Variants in FBXO9 observed in about 807,000 individuals in gnomAD.
FBXO9 encodes the protein F-box protein 9, also known as F-box only protein 9.
Under a neutral mutation model 63.7 loss-of-function variants are expected in FBXO9, and 43 were observed. That is an observed-to-expected ratio of 0.67 (90% CI 0.53 to 0.87). The LOEUF is 0.87. Ranked by LOEUF, FBXO9 falls within the 40% of genes least tolerant of loss-of-function variation. The pLI is 0.00. For synonymous variants in FBXO9, 156 were observed against 171.7 expected (o/e 0.91, Z 0.72); for missense variants, 442 against 533.2 (o/e 0.83, Z 1.68).
In FBXO9 at chr6:53,065,488, C is replaced by G. The variant is rs1353572115; in HGVS notation, c.-302C>G. ...GGGGTCTCCAGTAGGGCTGACGCTC[C>G]GGTGCTCGCACAATCCCCCGCCTCG... On this transcript the variant is annotated 5_prime_UTR_variant, in exon 1 of 13. Transcript: ENST00000323557. 1.1e-5 allele frequency: 4 copies of G among 352,684 alleles called. No homozygotes were observed. Among genetic ancestry groups the G allele is most frequent in the East Asian group, 4.3e-5 (1 of 23,526 alleles). 21.8% of individuals were successfully genotyped at this position (352,684 alleles called of 1,614,324 possible).
At chr6:53,067,545 G>A (rs1326044033) in intron 1 of FBXO9, among the ~76,000 whole-genome samples, 1 of 152,180 alleles carries the variant, frequency 6.6e-6, no homozygotes, top group Non-Finnish European at 1.5e-5. Flanking sequence ...AGCAGCGTAT[G>A]CAAGCCAACT....
intron 10 of FBXO9, 146 bp from the exon 11 acceptor site, chr6:53,093,739 G>T: frequency 1.2e-6 from 1 of 829,184 alleles, no homozygotes; most frequent in Admixed American, 3.0e-5. Flanking sequence ...ACTTCAGCAG[G>T]TCTTTGGAGC....
intron 1 of FBXO9, among the ~76,000 whole-genome samples, chr6:53,066,766 C>T (rs1321833359): frequency 6.6e-6 from 1 of 152,170 alleles, no homozygotes. Context: ...ATGGACTACT[C>T]ATACACATGA....
intron 11 of FBXO9, among the ~76,000 whole-genome samples, chr6:53,094,412 C>T (rs1763145896): frequency 6.6e-6 from 1 of 151,980 alleles, no homozygotes; most frequent in Admixed American, 6.6e-5. Context: ...TCTTCCTGTT[C>T]TTAAAAAAGG....
chr6:53,083,526 A>G (rs1769379944), intron 7 of FBXO9, among the ~76,000 whole-genome samples: 1 of 152,262 alleles, frequency 6.6e-6, no homozygotes. Flanking sequence ...TGAGGATTAC[A>G]TAATTGTTTT....
chr6:53,065,776 G>A lies in FBXO9; in HGVS notation c.-14G>A. On this transcript the variant is annotated 5_prime_UTR_variant, in exon 1 of 13. Transcript: ENST00000323557. ...ACGGAGAGCCCCTCGAGCGCAGCAG[G>A]CCGCCCCGCCAGCATGGTAACCTGG... 1 of 1,389,532 alleles carries A rather than the reference G, an allele frequency of 7.2e-7. No homozygotes were observed. The highest frequency in any genetic ancestry group is 3.0e-5 in the East Asian group (1 of 32,864). 86.1% of individuals were successfully genotyped at this position (1,389,532 alleles called of 1,614,324 possible).
At chr6:53,067,821 T>C (rs1289127499) in intron 1 of FBXO9, 1 of 152,204 alleles carries the variant, frequency 6.6e-6, no homozygotes, top group Non-Finnish European at 1.5e-5. Context: ...TAAAAAATAA[T>C]GTATTTGACA....
chr6:53,099,933 A>G lies in FBXO9; in HGVS notation c.*2103A>G, dbSNP rs1285501601. 1.3e-5 allele frequency: 2 copies of G among 152,208 alleles called. No homozygotes were observed. The highest frequency in any genetic ancestry group is 4.8e-5 in the African/African-American group (2 of 41,448). The allele number at this position is 152,208 out of a possible 1,614,324, so 9.4% of individuals were successfully genotyped here. A position where few individuals can be genotyped will look rare whatever the true frequency, so the allele number is the denominator to read the frequency against. On this transcript the variant is annotated 3_prime_UTR_variant, in exon 13 of 13. Coordinates refer to ENST00000323557, the MANE Select transcript of FBXO9 (RefSeq NM_033480.3). Reference sequence around the variant, plus strand: ...AATATAGCTAGAAAAATATATTCCTAAGGAAAGTGAGATTTGAGGAGTCCC... The same window carrying G: ...AATATAGCTAGAAAAATATATTCCTGAGGAAAGTGAGATTTGAGGAGTCCC...
At chr6:53,075,743 T>TA (rs1769083354) in intron 3 of FBXO9, among the ~76,000 whole-genome samples, 1 of 113,682 alleles carries the variant, frequency 8.8e-6, no homozygotes, top group Non-Finnish European at 1.9e-5. Context: ...AATTATTTTT[T>TA]TTTTTTTTTT....
chr6:53,076,510 G>T lies in FBXO9; in HGVS notation c.274G>T (p.Val92Leu). The change falls in exon 4 of 13, where the codon GTA becomes TTA. Residue 92 changes from valine to leucine, a missense_variant. Physicochemically the swap from Val to Leu is conservative, Grantham distance 32. Transcript: ENST00000323557. ...GGCTCGAGAACTCTTCCTAAAAGCA[G>T]TAGAAGAAGAACAAAATGGAGCTCT... ...EKARELFLKA[V>L]EEEQNGALYE... is the part of the protein sequence containing the mutation. 6.5e-7 allele frequency: 1 copy of T among 1,545,788 alleles called. No individual in the cohort carries two copies.
chr6:53,070,949 T>G, intron 1 of FBXO9, 108 bp from the exon 2 acceptor site: 1 of 1,504,834 alleles, frequency 6.6e-7, no homozygotes, highest in Non-Finnish European at 9.0e-7. Context: ...TTCCACAAAG[T>G]GTTGACAGTA....
At chr6:53,085,708 A>G (rs1187257886) in intron 7 of FBXO9, among the ~76,000 whole-genome samples, 1 of 151,976 alleles carries the variant, frequency 6.6e-6, no homozygotes, top group Non-Finnish European at 1.5e-5. Context: ...TTATATCAAT[A>G]ATATACCCAT....
At chr6:53,070,016 C>CTT (rs1768853173) in intron 1 of FBXO9, among the ~76,000 whole-genome samples, 1 of 134,024 alleles carries the variant, frequency 7.5e-6, no homozygotes, top group Admixed American at 7.3e-5. Context: ...TTTCTTTTTT[C>CTT]CTTTTTTTTT....
intron 7 of FBXO9, among the ~76,000 whole-genome samples, chr6:53,088,596 C>CT (rs542468280): frequency 2.1e-3 from 298 of 140,428 alleles, no homozygotes; most frequent in Middle Eastern, 3.8e-3. Flanking sequence ...AGTGGTTTGT[C>CT]TTTTTTTTTT....
chr6:53,085,607 A>C (rs1284322244), intron 7 of FBXO9, among the ~76,000 whole-genome samples: 1 of 151,868 alleles, frequency 6.6e-6, no homozygotes, highest in African/African-American at 2.4e-5. Context: ...TAACATCTAT[A>C]CAAATATAAC....
chr6:53,092,617 T>A (rs1296276424), intron 8 of FBXO9, 70 bp downstream of exon 8: 7 of 1,477,788 alleles, frequency 4.7e-6, no homozygotes, highest in Non-Finnish European at 6.6e-6. Flanking sequence ...ATACGCCGTT[T>A]AAATTTTCTG....
At position 53,065,455 on chromosome 6, in the gene FBXO9, C is replaced by T. The variant is rs1768655912; in HGVS notation, c.-335C>T. 11 of 290,344 alleles carry T rather than the reference C, an allele frequency of 3.8e-5. No individual in the cohort carries two copies. Among genetic ancestry groups the T allele is most frequent in the East Asian group, 3.4e-4 (6 of 17,614 alleles). 18.0% of individuals were successfully genotyped at this position (290,344 alleles called of 1,614,324 possible). On this transcript the variant is annotated 5_prime_UTR_variant, in exon 1 of 13. Transcript: ENST00000323557. Reference sequence around the variant, plus strand: ...CGCAGCTGAGGGGGCAGCTCCGCGGCGGCGTCCGGGGTCTCCAGTAGGGCT... The same window carrying T: ...CGCAGCTGAGGGGGCAGCTCCGCGGTGGCGTCCGGGGTCTCCAGTAGGGCT...
chr6:53,081,692 A>G (rs116678753), intron 6 of FBXO9, among the ~76,000 whole-genome samples: 2,429 of 152,344 alleles, frequency 0.016, 30 homozygotes, highest in Non-Finnish European at 0.022. Flanking sequence ...GGTAGCCCTA[A>G]GAAAACTGGA....
intron 11 of FBXO9, chr6:53,094,794 C>T: frequency 2.3e-6 from 1 of 436,766 alleles, no homozygotes; most frequent in Non-Finnish European, 4.6e-6. Context: ...CAGCAGCAGC[C>T]TGAGAGACAG....
Sources: allele counts gnomAD v4.1 joint callset (sites outside exome capture counted in the v4.1 genomes callset), GRCh38; gene constraint gnomAD v4.1.1; transcripts MANE v1.5; gene names NCBI Gene and HGNC (gene_info 2026-07-23, HGNC 2026-07-21).